Variants in HDGFL2 observed in about 807,000 individuals in gnomAD.
HDGFL2 encodes hepatoma-derived growth factor-related protein 2.
A neutral mutation model predicts 77.1 loss-of-function variants in HDGFL2; 36 were observed. The ratio of observed to expected loss-of-function variants is 0.47; its 90% CI spans 0.36 to 0.62. The LOEUF (loss-of-function observed/expected upper bound fraction) is 0.62. Among genes scored for constraint, HDGFL2 ranks in the 20% least tolerant of loss-of-function variants. The pLI is 0.00. For missense variants in HDGFL2, 976 were observed against 973.4 expected (o/e 1.00, Z -0.04); for synonymous variants, 463 against 413.1 (o/e 1.12, Z -1.46).
intron 4 of HDGFL2, among the ~76,000 whole-genome samples, chr19:4,491,269 A>T (rs142798103): frequency 2.1e-4 from 4 of 19,410 alleles, no homozygotes; most frequent in African/African-American, 5.7e-4. Context: ...CCACCCCCCC[A>T]CCCCCCCACC....
Position 4,494,402 on chromosome 19 carries a change from G to C in HDGFL2, c.1151G>C (p.Arg384Pro), listed in dbSNP as rs190117333. ...GAGGACGATGAGCCCGTCAAGAAGC[G>C]GGGACGCAAGGGCCGGGGCCGGGGT... ...LREDDEPVKK[R>P]GRKGRGRGPP... The change falls in exon 9 of 16, where the codon CGG becomes CCG. Residue 384 changes from arginine to proline, a missense_variant. Coordinates refer to ENST00000616600, the MANE Select transcript of HDGFL2 (RefSeq NM_001001520.3). The C allele has an allele frequency of 4.2e-4, 587 of 1,404,540 alleles. 5 individuals carry two copies. Among genetic ancestry groups the C allele is most frequent in the Non-Finnish European group, 1.1e-4 (120 of 1,083,926 alleles). The allele number at this position is 1,404,540 out of a possible 1,614,324, so 87.0% of individuals were successfully genotyped here.
intron 1 of HDGFL2, 26 bp from the exon 2 acceptor site, chr19:4,475,249 A>AC: frequency 1.9e-6 from 3 of 1,604,844 alleles, no homozygotes; most frequent in Non-Finnish European, 2.6e-6. Context: ...GGGTAAAGCC[A>AC]CCCCCTCACT....
At position 4,472,339 on chromosome 19, in the gene HDGFL2, C is replaced by G. The variant is rs779142963; in HGVS notation, c.-12C>G. The G allele has an allele frequency of 1.3e-6, 2 of 1,516,074 alleles. No individual in the cohort carries two copies. Among genetic ancestry groups the G allele is most frequent in the East Asian group, 5.5e-5 (2 of 36,500 alleles). 93.9% of individuals were successfully genotyped at this position (1,516,074 alleles called of 1,614,324 possible). A position where few individuals can be genotyped will look rare whatever the true frequency, so the allele number is the denominator to read the frequency against. On this transcript the variant is annotated 5_prime_UTR_variant, in exon 1 of 16. Coordinates refer to ENST00000616600, the MANE Select transcript of HDGFL2 (RefSeq NM_001001520.3). ...CAGCCGCTTTCCGCGGCCTGGGCCT[C>G]TCGCCGTCAGCATGCCACACGCCTT...
At chr19:4,497,925 C>T (rs748734168) in intron 10 of HDGFL2, 33 bp from the exon 11 acceptor site, 92 of 1,539,676 alleles carry the variant, frequency 6.0e-5, no homozygotes, top group Non-Finnish European at 6.8e-5. Flanking sequence ...GTGCCGGTGA[C>T]GGGGCCCGAC....
intron 10 of HDGFL2, chr19:4,497,457 A>G (rs1301222447): frequency 1.4e-5 from 4 of 289,602 alleles, no homozygotes; most frequent in Non-Finnish European, 2.7e-5. Flanking sequence ...TCGGCCTCCC[A>G]AAGTGCTGGG....
chr19:4,491,479 G>T, intron 4 of HDGFL2, 87 bp from the exon 5 acceptor site: 1 of 1,122,060 alleles, frequency 8.9e-7, no homozygotes, highest in South Asian at 1.3e-5. Context: ...GAGCTCAGCT[G>T]TCGTGGGTGG....
At position 4,475,491 on chromosome 19, in the gene HDGFL2, G is replaced by A; in HGVS notation, c.196G>A (p.Asp66Asn). 6.2e-7 allele frequency: 1 copy of A among 1,609,476 alleles called. No individual in the cohort carries two copies. The highest frequency in any genetic ancestry group is 8.5e-7 in the Non-Finnish European group (1 of 1,178,874). ...KDLFPYDKCK[D>N]KYGKPNKRKG... ...CCTGTTCCCCTACGACAAATGTAAA[G>A]ACAAGTACGGGAAGCCCAACAAGAG... Residue 66 changes from aspartate (D) to asparagine (N), a missense_variant, in exon 3 of 16, where the codon GAC (aspartate) becomes AAC (asparagine). By Grantham distance (23) the Asp-to-Asn change is conservative. Transcript: ENST00000616600.
intron 3 of HDGFL2, among the ~76,000 whole-genome samples, chr19:4,481,997 G>C (rs8109595): frequency 0.51 from 74,297 of 146,316 alleles, 19,487 homozygotes; most frequent in African/African-American, 0.61. Flanking sequence ...ACTCTCAGCC[G>C]GGGGGACTGG....
intron 14 of HDGFL2, 68 bp downstream of exon 14, chr19:4,499,772 A>T: frequency 8.0e-7 from 1 of 1,248,174 alleles, no homozygotes; most frequent in East Asian, 2.4e-5. Context: ...GCTTTGCAGA[A>T]CATTCCAGAA....
chr19:4,472,340 T>C lies in HDGFL2; in HGVS notation c.-11T>C. On this transcript the variant is annotated 5_prime_UTR_variant, in exon 1 of 16. Coordinates refer to ENST00000616600, the MANE Select transcript of HDGFL2 (RefSeq NM_001001520.3). ...AGCCGCTTTCCGCGGCCTGGGCCTC[T>C]CGCCGTCAGCATGCCACACGCCTTC... 2.0e-6 allele frequency: 3 copies of C among 1,512,714 alleles called. No homozygotes were observed. The highest frequency in any genetic ancestry group is 2.7e-6 in the Non-Finnish European group (3 of 1,131,676). 93.7% of individuals were successfully genotyped at this position (1,512,714 alleles called of 1,614,324 possible).
chr19:4,499,781 A>G (rs1201730021), intron 14 of HDGFL2, 77 bp downstream of exon 14: 2 of 1,175,406 alleles, frequency 1.7e-6, no homozygotes, highest in Non-Finnish European at 2.4e-6. Context: ...AACATTCCAG[A>G]AGGGGAGTAC....
At chr19:4,485,554 C>T (rs996557177) in intron 3 of HDGFL2, among the ~76,000 whole-genome samples, 1 of 151,184 alleles carries the variant, frequency 6.6e-6, no homozygotes, top group Non-Finnish European at 1.5e-5. Flanking sequence ...CTGGCTAACA[C>T]AGTGAAACCA....
Position 4,502,141 on chromosome 19 carries a change from T to C in HDGFL2, c.*131T>C. On this transcript the variant is annotated 3_prime_UTR_variant, in exon 16 of 16. Coordinates refer to ENST00000616600, the MANE Select transcript of HDGFL2 (RefSeq NM_001001520.3). ...TGTATTTGTTCCCTTGGGTTTTTTTTTCCTGCCTAATTTCTGTGATTTCCA... is the reference window on the plus strand; with the variant it reads ...TGTATTTGTTCCCTTGGGTTTTTTTCTCCTGCCTAATTTCTGTGATTTCCA... 1 of 730,278 alleles carries C rather than the reference T, an allele frequency of 1.4e-6. No homozygotes were observed. Among genetic ancestry groups the C allele is most frequent in the South Asian group, 1.5e-5 (1 of 65,308 alleles). The allele number at this position is 730,278 out of a possible 1,614,324, so 45.2% of individuals were successfully genotyped here.
intron 9 of HDGFL2, among the ~76,000 whole-genome samples, chr19:4,495,432 G>A (rs1004816526): frequency 6.6e-6 from 1 of 151,286 alleles, no homozygotes; most frequent in South Asian, 2.1e-4. Flanking sequence ...GAAGGGAGGG[G>A]ATCTACGAAG....
intron 3 of HDGFL2, among the ~76,000 whole-genome samples, chr19:4,478,296 G>C (rs1019966929): frequency 6.7e-6 from 1 of 149,688 alleles, no homozygotes; most frequent in African/African-American, 2.5e-5. Context: ...TCCGCCTCCC[G>C]GGTTCAAGCG....
At chr19:4,496,061 G>A (rs1437803650) in intron 9 of HDGFL2, among the ~76,000 whole-genome samples, 1 of 152,102 alleles carries the variant, frequency 6.6e-6, no homozygotes, top group Non-Finnish European at 1.5e-5. Context: ...CAGGACTGCT[G>A]GGCAGGAGGA....
intron 3 of HDGFL2, among the ~76,000 whole-genome samples, chr19:4,477,839 T>C (rs1975109322): frequency 6.6e-6 from 1 of 152,036 alleles, no homozygotes; most frequent in Admixed American, 6.6e-5. Context: ...CCCAGCACTT[T>C]GGGAGGCTGT....
intron 14 of HDGFL2, among the ~76,000 whole-genome samples, chr19:4,500,275 T>G (rs1463100541): frequency 6.6e-6 from 1 of 152,042 alleles, no homozygotes; most frequent in Non-Finnish European, 1.5e-5. Flanking sequence ...CGAAGGCTAG[T>G]GTCTTTTTTT....
rs1176634791 is a variant in HDGFL2 at position 4,499,477 on chromosome 19, C to T, written c.1576-14C>T. On this transcript the variant is annotated splice_polypyrimidine_tract_variant and intron_variant, in intron 13 of 15. Coordinates refer to ENST00000616600, the MANE Select transcript of HDGFL2 (RefSeq NM_001001520.3). ...TGCACTTGGGTGAGCCAGGCCTCTT[C>T]TCTTGGTGGCCAGATTCGCCGTTAC... is the stretch of plus-strand genomic sequence containing the variant. 6.2e-7 allele frequency: 1 copy of T among 1,610,374 alleles called. No homozygotes were observed. Among genetic ancestry groups the T allele is most frequent in the Non-Finnish European group, 8.5e-7 (1 of 1,178,088 alleles).
Sources: allele counts gnomAD v4.1 joint callset (sites outside exome capture counted in the v4.1 genomes callset), GRCh38; gene constraint gnomAD v4.1.1; transcripts MANE v1.5; gene names NCBI Gene and HGNC (gene_info 2026-07-23, HGNC 2026-07-21).